The following TTL variants were observed in gnomAD, a reference collection of about 807,000 sequenced individuals.
TTL encodes the protein tubulin--tyrosine ligase.
Under a neutral mutation model 41.1 loss-of-function variants are expected in TTL, and 10 were observed. That is an observed-to-expected ratio of 0.24 (90% confidence interval 0.15 to 0.41). The LOEUF is 0.41. Ranked by LOEUF, TTL falls within the 10% of genes least tolerant of loss-of-function variation. TTL has a pLI of 1.00. For synonymous variants in TTL, 175 were observed against 175.5 expected (o/e 1.00, Z 0.02); for missense variants, 367 against 460.4 (o/e 0.80, Z 1.86).
At chr2:112,492,599 TG>T (rs1681418642) in intron 2 of TTL, among the ~76,000 whole-genome samples, 1 of 151,994 alleles carries the variant, frequency 6.6e-6, no homozygotes, top group Non-Finnish European at 1.5e-5. Context: ...GGCGTGGTGG[TG>T]GGCACCTGTA....
chr2:112,497,991 T>A (rs944617884), intron 3 of TTL, among the ~76,000 whole-genome samples: 1 of 152,260 alleles, frequency 6.6e-6, no homozygotes, highest in East Asian at 1.9e-4. Context: ...CACATTTTTA[T>A]GTGCCAACAA....
chr2:112,489,828 G>A, intron 2 of TTL, among the ~76,000 whole-genome samples: 1 of 152,154 alleles, frequency 6.6e-6, no homozygotes, highest in South Asian at 2.1e-4. Flanking sequence ...TATGAAGATA[G>A]ATGAGAAAAT....
At chr2:112,501,435 G>A (rs1464784662) in intron 4 of TTL, 94 bp downstream of exon 4, 22 of 1,121,126 alleles carry the variant, frequency 2.0e-5, no homozygotes, top group South Asian at 1.3e-4. Flanking sequence ...ATGAGGAAGC[G>A]TTTGACCATG....
chr2:112,522,048 T>G (rs949188006), intron 6 of TTL: 11 of 152,424 alleles, frequency 7.2e-5, no homozygotes, highest in African/African-American at 2.7e-4. Flanking sequence ...CTCCTCCCGC[T>G]CCTGTCTTCT....
rs1245169362 is a variant in TTL, at chr2:112,539,496, C to A, written c.*10701C>A. Reference sequence around the variant, plus strand: ...CTCTTTCTTGGAAAAAACCTTTCAACAAACTAGAAATAAATTACTTCCTCA... The same window carrying A: ...CTCTTTCTTGGAAAAAACCTTTCAAAAAACTAGAAATAAATTACTTCCTCA... On this transcript the variant is annotated 3_prime_UTR_variant, in exon 7 of 7. Coordinates refer to ENST00000233336, the MANE Select transcript of TTL (RefSeq NM_153712.5). The A allele has an allele frequency of 6.6e-6, 1 of 152,102 alleles. No individual in the cohort carries two copies. Among genetic ancestry groups the A allele is most frequent in the Non-Finnish European group, 1.5e-5 (1 of 68,006 alleles). 9.4% of individuals were successfully genotyped at this position (152,102 alleles called of 1,614,324 possible).
chr2:112,517,096 A>T (rs1682091184), intron 5 of TTL, among the ~76,000 whole-genome samples: 1 of 149,812 alleles, frequency 6.7e-6, no homozygotes, highest in Admixed American at 6.7e-5. Flanking sequence ...GATGCACTGT[A>T]TAAGTCTCTG....
At chr2:112,496,693 G>A (rs1377895040) in intron 3 of TTL, among the ~76,000 whole-genome samples, 7 of 140,264 alleles carry the variant, frequency 5.0e-5, no homozygotes, top group East Asian at 2.1e-4. Context: ...GTGTGTGTGT[G>A]TGTGTGTGTG....
chr2:112,521,547 C>T (rs1419191057), intron 6 of TTL, among the ~76,000 whole-genome samples: 1 of 152,220 alleles, frequency 6.6e-6, no homozygotes, highest in Non-Finnish European at 1.5e-5. Flanking sequence ...TGTCAACACA[C>T]CAAAGTTGTT....
rs1397908443 is a variant in TTL, at chr2:112,539,333, G to T, written c.*10538G>T. ...CTGATTCTAAAATAAACGTTGAGAA[G>T]GGGAAAAGAAAGAATGCAAGGTTTT... On this transcript the variant is annotated 3_prime_UTR_variant, in exon 7 of 7. Coordinates refer to ENST00000233336, the MANE Select transcript of TTL (RefSeq NM_153712.5). 6.6e-6 allele frequency: 1 copy of T among 151,862 alleles called. No homozygotes were observed. The highest frequency in any genetic ancestry group is 1.5e-5 in the Non-Finnish European group (1 of 67,998). The allele number at this position is 151,862 out of a possible 1,614,324, so 9.4% of individuals were successfully genotyped here.
intron 4 of TTL, among the ~76,000 whole-genome samples, chr2:112,501,647 C>G (rs1681702208): frequency 6.6e-6 from 1 of 152,094 alleles, no homozygotes; most frequent in Non-Finnish European, 1.5e-5. Context: ...GTGGATGGAT[C>G]ACCTGAGGTC....
chr2:112,516,604 G>A (rs560754031), intron 5 of TTL, among the ~76,000 whole-genome samples: 38 of 152,298 alleles, frequency 2.5e-4, no homozygotes, highest in Non-Finnish European at 4.6e-4. Flanking sequence ...AACCCGGGAG[G>A]TGGAGGTTGC....
At position 112,531,474 on chromosome 2, in the gene TTL, A is replaced by G. The variant is rs937475460; in HGVS notation, c.*2679A>G. On this transcript the variant is annotated 3_prime_UTR_variant, in exon 7 of 7. Coordinates refer to ENST00000233336, the MANE Select transcript of TTL (RefSeq NM_153712.5). ...AGGACAAGTGACAGTAGGAAGATGC[A>G]AGAGCCTTTAGTACCAAGGTTCTCA... 40 of 229,626 alleles carry G rather than the reference A, an allele frequency of 1.7e-4. No homozygotes were observed. In the Admixed American group the frequency reaches 2.2e-3, roughly 13 times the overall value. The allele number at this position is 229,626 out of a possible 1,614,324, so 14.2% of individuals were successfully genotyped here. A position where few individuals can be genotyped will look rare whatever the true frequency, so the allele number is the denominator to read the frequency against.
chr2:112,497,672 GT>G (rs1338845330), intron 3 of TTL, among the ~76,000 whole-genome samples: 4 of 151,678 alleles, frequency 2.6e-5, no homozygotes, highest in African/African-American at 9.7e-5. Flanking sequence ...GCAGTTTCTT[GT>G]TCAAGAAGCT....
At chr2:112,521,283 C>G (rs1322877174) in intron 6 of TTL, 1 of 985,274 alleles carries the variant, frequency 1.0e-6, no homozygotes, top group Non-Finnish European at 1.2e-6. Context: ...ACTTCTGCTT[C>G]TCTCGGGAGA....
rs1273144355 is a variant in TTL, at chr2:112,531,578, T to G, written c.*2783T>G. The G allele has an allele frequency of 4.4e-6, 1 of 229,362 alleles. No homozygotes were observed. Among genetic ancestry groups the G allele is most frequent in the East Asian group, 6.2e-5 (1 of 16,008 alleles). The allele number at this position is 229,362 out of a possible 1,614,324, so 14.2% of individuals were successfully genotyped here. A position where few individuals can be genotyped will look rare whatever the true frequency, so the allele number is the denominator to read the frequency against. ...ACTCTTCCCCTGTACCCCCGGACAG[T>G]TAAATCAGAACCTCAGACAGCAATA... On this transcript the variant is annotated 3_prime_UTR_variant, in exon 7 of 7. Transcript: ENST00000233336.
In TTL at chr2:112,537,386, G is replaced by A. The variant is rs1682617404; in HGVS notation, c.*8591G>A. 3 of 152,286 alleles carry A rather than the reference G, an allele frequency of 2.0e-5. No homozygotes were observed. Among genetic ancestry groups the A allele is most frequent in the African/African-American group, 4.8e-5 (2 of 41,460 alleles). 9.4% of individuals were successfully genotyped at this position (152,286 alleles called of 1,614,324 possible). On this transcript the variant is annotated 3_prime_UTR_variant, in exon 7 of 7. Coordinates refer to ENST00000233336, the MANE Select transcript of TTL (RefSeq NM_153712.5). ...ATGAGCCACCATGCCCAGCTGCTCT[G>A]TTTTAAATTCTTTGAGAAATCTCCA...
intron 6 of TTL, among the ~76,000 whole-genome samples, chr2:112,523,350 CTGTG>C (rs60321232): frequency 6.0e-5 from 9 of 149,758 alleles, no homozygotes; most frequent in Non-Finnish European, 8.9e-5. Context: ...GTGTGTGTGT[CTGTG>C]TGTGTGTGTG....
At chr2:112,509,997 CTT>C (rs979206310) in intron 5 of TTL, among the ~76,000 whole-genome samples, 1 of 152,110 alleles carries the variant, frequency 6.6e-6, no homozygotes, top group African/African-American at 2.4e-5. Flanking sequence ...TTTTATCAGT[CTT>C]TTCAAAAAAT....
chr2:112,512,445 G>C (rs1681949795), intron 5 of TTL, among the ~76,000 whole-genome samples: 1 of 151,830 alleles, frequency 6.6e-6, no homozygotes, highest in African/African-American at 2.4e-5. Context: ...TGCATTTTTA[G>C]TAGAGACAGG....
Sources: gnomAD v4.1 joint callset for allele counts (sites outside exome capture counted in the v4.1 genomes callset) on GRCh38, gnomAD v4.1.1 for gene constraint, MANE v1.5 for transcripts, NCBI Gene and HGNC (gene_info 2026-07-23, HGNC 2026-07-21) for gene names.